Variants in C2CD5 observed in about 807,000 individuals in gnomAD.
The protein encoded by C2CD5 is C2 domain-containing protein 5.
A neutral mutation model predicts 130.3 loss-of-function variants in C2CD5; 109 were observed. That is an observed-to-expected ratio of 0.84 (90% confidence interval 0.72 to 0.98). The LOEUF (loss-of-function observed/expected upper bound fraction) is 0.98, where lower values mean the gene tolerates loss of function less well. Ranked by LOEUF, C2CD5 falls within the 50% of genes least tolerant of loss-of-function variation. The pLI, the probability that C2CD5 is intolerant of heterozygous loss-of-function variation, is 0.00. For missense variants in C2CD5, 996 were observed against 1,261.8 expected (o/e 0.79, Z 3.19); for synonymous variants, 454 against 429.2 (o/e 1.06, Z -0.71).
At chr12:22,492,681 G>GA (rs1262552894) in intron 11 of C2CD5, among the ~76,000 whole-genome samples, 1 of 152,118 alleles carries the variant, frequency 6.6e-6, no homozygotes, top group Non-Finnish European at 1.5e-5. Context: ...TTGTTCAAAT[G>GA]AAGGGAAGGA....
At chr12:22,530,748 C>T (rs1407960010) in intron 3 of C2CD5, among the ~76,000 whole-genome samples, 4 of 152,096 alleles carry the variant, frequency 2.6e-5, no homozygotes, top group Non-Finnish European at 4.4e-5. Flanking sequence ...TGAGCCACTG[C>T]ACCCAGCCAC....
chr12:22,466,125 CAA>C (rs1212624292), intron 22 of C2CD5, among the ~76,000 whole-genome samples: 1 of 151,666 alleles, frequency 6.6e-6, no homozygotes, highest in Non-Finnish European at 1.5e-5. Context: ...TTCAATAACA[CAA>C]AAAGACAATG....
intron 20 of C2CD5, 140 bp from the exon 21 acceptor site, chr12:22,471,051 AT>A: frequency 4.8e-6 from 3 of 618,638 alleles, no homozygotes; most frequent in Non-Finnish European, 2.9e-6. Context: ...TTATGTATAA[AT>A]TCAAATCATA....
rs188693753 is a variant in C2CD5 at position 22,527,632 on chromosome 12, T to G, written c.349+89A>C. The G allele has an allele frequency of 2.7e-5, 22 of 805,880 alleles. No homozygotes were observed. The African/African-American group carries it at 3.8e-4, about 14-fold the overall frequency. The allele number at this position is 805,880 out of a possible 1,614,324, so 49.9% of individuals were successfully genotyped here. The stretch of plus-strand genomic sequence containing the variant: ...CGCACCTAGCCTAAAGATACATATT[T>G]TAAACCAGCAAATATAGCACAAATG... On this transcript the variant is annotated intron_variant, in intron 4 of 26. Transcript: ENST00000446597.
chr12:22,481,798 ATTTTTT>A (rs762273958), intron 14 of C2CD5, among the ~76,000 whole-genome samples: 1 of 93,156 alleles, frequency 1.1e-5, no homozygotes, highest in African/African-American at 4.3e-5. Flanking sequence ...CACCTGGTGT[ATTTTTT>A]TTTTTTTTTT....
At chr12:22,469,443 C>T (rs1942657451) in intron 22 of C2CD5, among the ~76,000 whole-genome samples, 1 of 151,902 alleles carries the variant, frequency 6.6e-6, no homozygotes, top group East Asian at 1.9e-4. Flanking sequence ...GAAATCCAAA[C>T]CTTTGAAAAT....
At chr12:22,531,552 T>C (rs1019372904) in intron 3 of C2CD5, among the ~76,000 whole-genome samples, 1 of 152,178 alleles carries the variant, frequency 6.6e-6, no homozygotes, top group Non-Finnish European at 1.5e-5. Context: ...TGACTTCCAG[T>C]TCAATGTTCT....
chr12:22,464,746 T>C lies in C2CD5; in HGVS notation c.2533+4963A>G, dbSNP rs149967931. Among the ~76,000 whole-genome samples, 49 of 152,318 alleles carry C rather than the reference T, an allele frequency of 3.2e-4. 1 individual carries two copies. In the East Asian group the frequency reaches 9.4e-3, roughly 29 times the overall value. The stretch of plus-strand genomic sequence containing the variant: ...CTGCCACTTGGTCATAGTGACAAAA[T>C]ATATTTTTTAAAAAATAGTAATAAC... On this transcript the variant is annotated intron_variant, in intron 22 of 26. Coordinates refer to ENST00000446597, the MANE Select transcript of C2CD5 (RefSeq NM_001286176.2).
At chr12:22,519,205 G>A (rs190733523) in intron 7 of C2CD5, 5 of 1,535,810 alleles carry the variant, frequency 3.3e-6, no homozygotes, top group African/African-American at 2.7e-5. Context: ...TGAGTCGAGC[G>A]GCATCCATGG....
At chr12:22,524,694 T>A in intron 5 of C2CD5, 67 bp from the exon 6 acceptor site, 1 of 1,181,772 alleles carries the variant, frequency 8.5e-7, no homozygotes, top group Non-Finnish European at 1.2e-6. Context: ...AAAATGTACA[T>A]CTCAATTTTC....
chr12:22,449,998 C>T, intron 26 of C2CD5, 107 bp from the exon 27 acceptor site: 1 of 833,650 alleles, frequency 1.2e-6, no homozygotes, highest in South Asian at 3.0e-5. Context: ...GCTTCTAAAT[C>T]ATTAGGATAA....
At chr12:22,512,830 T>G (rs900204059) in intron 9 of C2CD5, among the ~76,000 whole-genome samples, 10 of 151,970 alleles carry the variant, frequency 6.6e-5, no homozygotes, top group Non-Finnish European at 1.3e-4. Context: ...ACCACATTAT[T>G]TATATTAATC....
chr12:22,470,747 AC>A, intron 21 of C2CD5, 76 bp downstream of exon 21: 1 of 837,076 alleles, frequency 1.2e-6, no homozygotes. Flanking sequence ...TATTGAATCC[AC>A]CTGTCCTGTA....
At chr12:22,512,712 G>C (rs992830323) in intron 9 of C2CD5, 10 of 1,132,578 alleles carry the variant, frequency 8.8e-6, no homozygotes, top group Middle Eastern at 2.2e-4. Context: ...AAAAAAAAAA[G>C]AGAGAGAGAG....
Position 22,482,459 on chromosome 12 carries a change from T to C in C2CD5, c.1737+98A>G, listed in dbSNP as rs1232066363. The C allele has an allele frequency of 6.8e-6, 7 of 1,027,130 alleles. No homozygotes were observed. The East Asian group carries it at 1.7e-4, about 25-fold the overall frequency. The allele number at this position is 1,027,130 out of a possible 1,614,324, so 63.6% of individuals were successfully genotyped here. A position where few individuals can be genotyped will look rare whatever the true frequency, so the allele number is the denominator to read the frequency against. ...CCATAAAGGTCTTAATGTCAAAGTC[T>C]TTAGATAAGCCTTTGAAAAGACTAT... On this transcript the variant is annotated intron_variant, in intron 14 of 26. Coordinates refer to ENST00000446597, the MANE Select transcript of C2CD5 (RefSeq NM_001286176.2).
At chr12:22,502,799 C>T (rs1947964888) in intron 10 of C2CD5, 1 of 1,528,342 alleles carries the variant, frequency 6.5e-7, no homozygotes, top group African/African-American at 1.4e-5. Flanking sequence ...ATAATTCCGA[C>T]AAAGGCTGAG....
intron 8 of C2CD5, among the ~76,000 whole-genome samples, chr12:22,516,472 A>C (rs896885398): frequency 6.6e-6 from 1 of 151,616 alleles, no homozygotes; most frequent in Admixed American, 6.6e-5. Context: ...TTTTAAACTA[A>C]AAATTTGGAG....
chr12:22,502,730 T>C (rs896759184), intron 10 of C2CD5: 2 of 1,492,022 alleles, frequency 1.3e-6, no homozygotes, highest in Non-Finnish European at 1.8e-6. Flanking sequence ...TGAATGACCA[T>C]TAAAATACCT....
intron 10 of C2CD5, among the ~76,000 whole-genome samples, chr12:22,505,251 T>A (rs902775774): frequency 7.9e-5 from 11 of 139,856 alleles, no homozygotes; most frequent in African/African-American, 3.2e-4. Flanking sequence ...CCCTTCTTTC[T>A]TTCTTTTTTT....
Sources: allele counts gnomAD v4.1 joint callset (sites outside exome capture counted in the v4.1 genomes callset), GRCh38; gene constraint gnomAD v4.1.1; transcripts MANE v1.5; gene names NCBI Gene and HGNC (gene_info 2026-07-23, HGNC 2026-07-21).